The following FKRP variants were observed in gnomAD, a reference collection of about 807,000 sequenced individuals.
FKRP encodes fukutin related protein.
FKRP carries 25 observed loss-of-function variants against 30.6 expected under a neutral mutation model. The observed-to-expected ratio is 0.82, with a 90% CI of 0.60 to 1.14. The LOEUF is 1.14. Among genes scored for constraint, FKRP ranks in the 50% most tolerant of loss-of-function variants. The pLI, the probability that FKRP is intolerant of heterozygous loss-of-function variation, is 0.00. For synonymous variants in FKRP, 358 were observed against 342.5 expected, an observed-to-expected ratio of 1.05 and a Z score of -0.50; for missense variants, 771 against 727.8, an observed-to-expected ratio of 1.06 and a Z score of -0.68.
At chr19:46,745,177 C>T (rs1286770460), upstream of FKRP, among the ~76,000 whole-genome samples, 1 of 152,072 alleles carries the variant, frequency 6.6e-6, no homozygotes, top group Non-Finnish European at 1.5e-5. Flanking sequence ...CCATACTGGA[C>T]ATGCCCAACA....
chr19:46,756,236 C>G lies in FKRP; in HGVS notation c.786C>G (p.Arg262=), dbSNP rs1430767903. The G allele has an allele frequency of 2.1e-6, 3 of 1,454,718 alleles. No homozygotes were observed. The highest frequency in any genetic ancestry group is 2.7e-5 in the East Asian group (1 of 36,400). The allele number at this position is 1,454,718 out of a possible 1,614,324, so 90.1% of individuals were successfully genotyped here. A position where few individuals can be genotyped will look rare whatever the true frequency, so the allele number is the denominator to read the frequency against. The change falls in exon 4 of 4, where the codon CGC becomes CGG. Residue 262 remains arginine (R), a synonymous_variant. Coordinates refer to ENST00000318584, the MANE Select transcript of FKRP (RefSeq NM_024301.5). This position sits in a 1 kb window ranked among gnomAD's most constrained non-coding sequence, Gnocchi z 6.6. ...GCTGGAAGGCTGAGCGCGAGGGACG[C>G]GCTCGGCGGGCGGCGCTGCTCCGCG... ...HARWKAEREG[R]ARRAALLRAL... is the part of the protein sequence containing the mutation.
At chr19:46,747,087 C>CA (rs1215859955) in intron 1 of FKRP, 3 of 152,508 alleles carry the variant, frequency 2.0e-5, no homozygotes, top group African/African-American at 7.2e-5. Context: ...GAAAGGACCC[C>CA]AGCCCCAAGG....
chr19:46,756,550 T>C lies in FKRP; in HGVS notation c.1100T>C (p.Ile367Thr), dbSNP rs1555739020. The C allele has an allele frequency of 3.1e-6, 5 of 1,606,338 alleles. No homozygotes were observed. The highest frequency in any genetic ancestry group is 8.5e-7 in the Non-Finnish European group (1 of 1,177,486). ...IPWDYDVDLGIYLEDVGNCEQ... is the reference protein window; with the variant it reads ...IPWDYDVDLGTYLEDVGNCEQ... The stretch of plus-strand genomic sequence containing the variant: ...TGGGACTACGACGTGGACCTGGGCA[T>C]CTACTTGGAGGACGTGGGCAACTGC... Residue 367 changes from isoleucine to threonine, a missense_variant, in exon 4 of 4, where the codon ATC becomes ACC. Coordinates refer to ENST00000318584, the MANE Select transcript of FKRP (RefSeq NM_024301.5). The surrounding 1 kb of genome is among the most constrained non-coding windows in gnomAD (Gnocchi z 6.6).
Position 46,757,098 on chromosome 19 carries a change from G to A in FKRP, c.*160G>A. ...GCATGAGAGAAGGCTGGCATTGGCA[G>A]GAGGAGAGCACCAGGACGAGGATGG... On this transcript the variant is annotated 3_prime_UTR_variant, in exon 4 of 4. Transcript: ENST00000318584. 1 of 975,698 alleles carries A rather than the reference G, an allele frequency of 1.0e-6. No homozygotes were observed. The highest frequency in any genetic ancestry group is 1.6e-6 in the Non-Finnish European group (1 of 637,056). 60.4% of individuals were successfully genotyped at this position (975,698 alleles called of 1,614,324 possible).
chr19:46,750,851 C>G (rs2054777274), intron 3 of FKRP, among the ~76,000 whole-genome samples: 1 of 152,026 alleles, frequency 6.6e-6, no homozygotes, highest in South Asian at 2.1e-4. Context: ...CTTAATAATT[C>G]AAGTCACTCA....
chr19:46,757,110 C>T lies in FKRP; in HGVS notation c.*172C>T. The T allele has an allele frequency of 1.1e-6, 1 of 896,652 alleles. No homozygotes were observed. 55.5% of individuals were successfully genotyped at this position (896,652 alleles called of 1,614,324 possible). A position where few individuals can be genotyped will look rare whatever the true frequency, so the allele number is the denominator to read the frequency against. On this transcript the variant is annotated 3_prime_UTR_variant, in exon 4 of 4. Coordinates refer to ENST00000318584, the MANE Select transcript of FKRP (RefSeq NM_024301.5). ...GCTGGCATTGGCAGGAGGAGAGCACCAGGACGAGGATGGGAAGCGACCTCC... is the reference window on the plus strand; with the variant it reads ...GCTGGCATTGGCAGGAGGAGAGCACTAGGACGAGGATGGGAAGCGACCTCC...
chr19:46,756,818 C>T lies in FKRP; in HGVS notation c.1368C>T (p.Gly456=), dbSNP rs1599940206. Residue 456 remains glycine, a synonymous_variant, in exon 4 of 4, where the codon GGC becomes GGT. Transcript: ENST00000318584. This position sits in a 1 kb window ranked among gnomAD's most constrained non-coding sequence, Gnocchi z 6.6. ...CGCTGGTGCCCCTGCCCTTTGCCGGCTTCGTGGCGCAGGCGCCTAACAACT... is the reference window on the plus strand; with the variant it reads ...CGCTGGTGCCCCTGCCCTTTGCCGGTTTCGTGGCGCAGGCGCCTAACAACT... ...LQPLVPLPFA[G]FVAQAPNNYR... 1 of 1,599,308 alleles carries T rather than the reference C, an allele frequency of 6.3e-7. No homozygotes were observed. The highest frequency in any genetic ancestry group is 1.1e-5 in the South Asian group (1 of 89,248).
Position 46,756,553 on chromosome 19 carries a change from A to G in FKRP, c.1103A>G (p.Tyr368Cys). Residue 368 changes from tyrosine to cysteine, a missense_variant, in exon 4 of 4, where the codon TAC (tyrosine) becomes TGC (cysteine). Transcript: ENST00000318584. This position sits in a 1 kb window ranked among gnomAD's most constrained non-coding sequence, Gnocchi z 6.6. Reference sequence around the variant, plus strand: ...GACTACGACGTGGACCTGGGCATCTACTTGGAGGACGTGGGCAACTGCGAG... The same window carrying G: ...GACTACGACGTGGACCTGGGCATCTGCTTGGAGGACGTGGGCAACTGCGAG... Reference protein sequence around the residue: ...PWDYDVDLGIYLEDVGNCEQL... With the variant: ...PWDYDVDLGICLEDVGNCEQL... 6.2e-7 allele frequency: 1 copy of G among 1,606,676 alleles called. No homozygotes were observed.
At chr19:46,752,062 C>T (rs2054805373) in intron 3 of FKRP, among the ~76,000 whole-genome samples, 1 of 152,042 alleles carries the variant, frequency 6.6e-6, no homozygotes. Flanking sequence ...TGTTGGTGGC[C>T]AATGTTCCTA....
Position 46,756,779 on chromosome 19 carries a change from G to C in FKRP, c.1329G>C (p.Glu443Asp). The C allele has an allele frequency of 1.2e-6, 2 of 1,602,196 alleles. No individual in the cohort carries two copies. Among genetic ancestry groups the C allele is most frequent in the Non-Finnish European group, 8.5e-7 (1 of 1,175,036 alleles). ...ACCGGCAGGATGTGGAGTTTCCCGA[G>C]CACTTCCTGCAGCCGCTGGTGCCCC... ...LDHRQDVEFP[E>D]HFLQPLVPLP... is the part of the protein sequence containing the mutation. Residue 443 changes from glutamate (E) to aspartate (D), a missense_variant, in exon 4 of 4, where the codon GAG (glutamate) becomes GAC (aspartate). Transcript: ENST00000318584. The surrounding 1 kb of genome is among the most constrained non-coding windows in gnomAD (Gnocchi z 6.6).
chr19:46,752,659 G>A (rs759786593), intron 3 of FKRP, among the ~76,000 whole-genome samples: 6 of 152,202 alleles, frequency 3.9e-5, no homozygotes, highest in Non-Finnish European at 8.8e-5. Context: ...TCAGGAGTTC[G>A]AGACCAGCCT....
In FKRP at chr19:46,755,794, C is replaced by A. The variant is rs752018916; in HGVS notation, c.344C>A (p.Ser115Ter). ...QPALDRPAAA[S>*]RPETYVATEF... ...GCCCTGGACCGGCCAGCCGCAGCCT[C>A]GCGCCCGGAGACCTACGTGGCCACC... Residue 115 changes from serine (S) to a stop codon, truncating the protein, a stop_gained, in exon 4 of 4, where the codon TCG (serine) becomes TAG (stop). Transcript: ENST00000318584. LOFTEE classifies it high-confidence loss of function. The A allele has an allele frequency of 1.3e-6, 2 of 1,519,096 alleles. No individual in the cohort carries two copies. The highest frequency in any genetic ancestry group is 1.8e-6 in the Non-Finnish European group (2 of 1,136,450). The allele number at this position is 1,519,096 out of a possible 1,614,324, so 94.1% of individuals were successfully genotyped here.
At chr19:46,745,425 A>G (rs1247307322), upstream of FKRP, among the ~76,000 whole-genome samples, 1 of 152,122 alleles carries the variant, frequency 6.6e-6, no homozygotes, top group Non-Finnish European at 1.5e-5. Flanking sequence ...AGGGGAAGGC[A>G]CACACCTTCA....
At chr19:46,748,951 C>A (rs955423596) in intron 3 of FKRP, 4 of 152,168 alleles carry the variant, frequency 2.6e-5, no homozygotes, top group Admixed American at 1.3e-4. Flanking sequence ...CCATATTGCC[C>A]ACGCTGGTCT....
intron 3 of FKRP, among the ~76,000 whole-genome samples, chr19:46,749,952 G>GGCT (rs2054755347): frequency 6.6e-6 from 1 of 151,950 alleles, no homozygotes; most frequent in African/African-American, 2.4e-5. Context: ...CCAGGCTCAA[G>GGCT]CAATCTCCCC....
intron 3 of FKRP, among the ~76,000 whole-genome samples, chr19:46,752,262 G>A (rs914716760): frequency 2.0e-5 from 3 of 152,172 alleles, no homozygotes; most frequent in Admixed American, 6.6e-5. Context: ...GAACAGAAGC[G>A]GGAAGACAGT....
At chr19:46,747,444 G>GA (rs1351856230) in intron 1 of FKRP, 3 of 149,824 alleles carry the variant, frequency 2.0e-5, no homozygotes, top group Admixed American at 6.7e-5. Context: ...CCCAGGCTGG[G>GA]ATGCAATGGC....
chr19:46,747,387 A>ATTTTTTT (rs561622117), intron 1 of FKRP: 1 of 109,102 alleles, frequency 9.2e-6, no homozygotes, highest in African/African-American at 3.6e-5. Context: ...AAAGGAGGGG[A>ATTTTTTT]TTTTTTTTTT....
chr19:46,744,918 G>A (rs1048285786), upstream of FKRP, among the ~76,000 whole-genome samples: 1 of 151,950 alleles, frequency 6.6e-6, no homozygotes, highest in East Asian at 1.9e-4. Context: ...GCTCCACGAG[G>A]TCACAAACCC....
Sources: allele counts gnomAD v4.1 joint callset (sites outside exome capture counted in the v4.1 genomes callset), GRCh38; gene constraint gnomAD v4.1.1; non-coding constraint Gnocchi (gnomAD v3.1); transcripts MANE v1.5; gene names NCBI Gene and HGNC (gene_info 2026-07-23, HGNC 2026-07-21).